The following MCTP1 variants were observed in gnomAD, a reference collection of about 807,000 sequenced individuals.
MCTP1 encodes the protein multiple C2 and transmembrane domain containing 1, also known as multiple C2 and transmembrane domain-containing protein 1.
Under a neutral mutation model 120.6 loss-of-function variants are expected in MCTP1, and 69 were observed. The ratio of observed to expected loss-of-function variants is 0.57; its 90% confidence interval spans 0.47 to 0.70. MCTP1 has a LOEUF of 0.70. Ranked by LOEUF, MCTP1 falls within the 30% of genes least tolerant of loss-of-function variation. The pLI, the probability that MCTP1 is intolerant of heterozygous loss-of-function variation, is 0.00. For synonymous variants in MCTP1, 529 were observed against 493.1 expected (o/e 1.07, Z -0.96); for missense variants, 1,203 against 1,248.8 (o/e 0.96, Z 0.55).
intron 2 of MCTP1, among the ~76,000 whole-genome samples, chr5:94,964,439 G>C (rs1356413076): frequency 1.3e-5 from 2 of 152,128 alleles, no homozygotes; most frequent in South Asian, 2.1e-4. Context: ...TCATTGCTGA[G>C]AGTAGGGCAT....
At chr5:95,217,125 C>CTT (rs1305689635) in intron 1 of MCTP1, among the ~76,000 whole-genome samples, 1 of 152,180 alleles carries the variant, frequency 6.6e-6, no homozygotes, top group African/African-American at 2.4e-5. Flanking sequence ...TACTGATACT[C>CTT]TTTGAAAACT....
chr5:95,066,856 T>C lies in MCTP1; in HGVS notation c.721-49372A>G, dbSNP rs371464835. Among the ~76,000 whole-genome samples, 6 of 152,318 alleles carry C rather than the reference T, an allele frequency of 3.9e-5. No homozygotes were observed. The South Asian group carries it at 1.2e-3, about 32-fold the overall frequency. ...CGGGGATGGTTTTGAAATGAAACTGTTCCACCTCAGATCATCAGGCATTAG... is the reference window on the plus strand; with the variant it reads ...CGGGGATGGTTTTGAAATGAAACTGCTCCACCTCAGATCATCAGGCATTAG... On this transcript the variant is annotated intron_variant, in intron 1 of 22. Coordinates refer to ENST00000515393, the MANE Select transcript of MCTP1 (RefSeq NM_024717.7).
intron 17 of MCTP1, among the ~76,000 whole-genome samples, chr5:94,820,695 T>C (rs1266736730): frequency 1.3e-5 from 2 of 152,332 alleles, no homozygotes; most frequent in East Asian, 3.9e-4. Flanking sequence ...CTCCAAGTAC[T>C]TGTCAAAAGA....
chr5:95,284,213 T>A lies in MCTP1; in HGVS notation c.363A>T (p.Leu121=), dbSNP rs746337604. Reference sequence around the variant, plus strand: ...GCAAATGCTCGCGGATCCGGCGGCGTAGCGTGGACCCCTGCTCGGCTCTGC... The same window carrying A: ...GCAAATGCTCGCGGATCCGGCGGCGAAGCGTGGACCCCTGCTCGGCTCTGC... ...GAGRAEQGST[L]RRRIREHLLP... is the part of the protein sequence containing the mutation. The change falls in exon 1 of 23, where the codon CTA becomes CTT. Residue 121 remains leucine (L), a synonymous_variant. Transcript: ENST00000515393. The surrounding 1 kb of genome is among the most constrained non-coding windows in gnomAD (Gnocchi z 5.2). The A allele has an allele frequency of 9.5e-5, 150 of 1,573,610 alleles. 1 individual carries two copies. The South Asian group carries it at 1.6e-3, about 17-fold the overall frequency.
intron 18 of MCTP1, among the ~76,000 whole-genome samples, chr5:94,786,414 T>C (rs1014037291): frequency 6.6e-6 from 1 of 152,174 alleles, no homozygotes; most frequent in African/African-American, 2.4e-5. Flanking sequence ...AATGATATTT[T>C]TTATCTTTTT....
intron 1 of MCTP1, among the ~76,000 whole-genome samples, chr5:95,187,199 G>GT (rs771343429): frequency 6.6e-6 from 1 of 152,202 alleles, no homozygotes; most frequent in Non-Finnish European, 1.5e-5. Flanking sequence ...TGGAAGCAAC[G>GT]TAAGTGTCCA....
rs147012750 is a variant in MCTP1 at position 95,203,978 on chromosome 5, G to C, written c.720+79878C>G. 4.4e-3 allele frequency among the ~76,000 whole-genome samples: 665 copies of C among 152,010 alleles called. 8 individuals carry two copies. Among genetic ancestry groups the C allele is most frequent in the African/African-American group, 0.015 (626 of 41,446 alleles). The stretch of plus-strand genomic sequence containing the variant: ...GTGTAGATTACTAACTATGCAAAGA[G>C]ATGTGGATCCATTTGTACTTGGCAA... On this transcript the variant is annotated intron_variant, in intron 1 of 22. Coordinates refer to ENST00000515393, the MANE Select transcript of MCTP1 (RefSeq NM_024717.7).
At position 94,945,896 on chromosome 5, in the gene MCTP1, C is replaced by A. The variant is rs187385721; in HGVS notation, c.982-3469G>T. Among the ~76,000 whole-genome samples the A allele has an allele frequency of 9.9e-5, 15 of 152,276 alleles. No homozygotes were observed. The East Asian group carries it at 1.4e-3, about 14-fold the overall frequency. On this transcript the variant is annotated intron_variant, in intron 3 of 22. Coordinates refer to ENST00000515393, the MANE Select transcript of MCTP1 (RefSeq NM_024717.7). ...GTGGAGAGGCACTGAGGAAACTGGC[C>A]AGGGGCCAGTGAGGCTGAAAGTAGT...
chr5:95,222,401 C>G (rs1265736955), intron 1 of MCTP1, among the ~76,000 whole-genome samples: 1 of 152,254 alleles, frequency 6.6e-6, no homozygotes, highest in African/African-American at 2.4e-5. Flanking sequence ...AATTAGCAGT[C>G]TCTGCTTCAA....
intron 1 of MCTP1, among the ~76,000 whole-genome samples, chr5:95,111,055 G>C (rs1757414023): frequency 6.6e-6 from 1 of 152,118 alleles, no homozygotes; most frequent in Non-Finnish European, 1.5e-5. Flanking sequence ...GATTCATTTG[G>C]AGACACTACA....
intron 17 of MCTP1, among the ~76,000 whole-genome samples, chr5:94,806,329 A>G (rs1782279599): frequency 6.6e-6 from 1 of 152,216 alleles, no homozygotes; most frequent in South Asian, 2.1e-4. Flanking sequence ...AACAAACAAA[A>G]ATCTGTTCTG....
chr5:95,205,088 A>C (rs1263568087), intron 1 of MCTP1, among the ~76,000 whole-genome samples: 5 of 152,288 alleles, frequency 3.3e-5, no homozygotes, highest in East Asian at 3.9e-4. Context: ...TATTAATAAA[A>C]ACTTGCTACA....
chr5:94,835,270 A>T lies in MCTP1; in HGVS notation c.2436+33063T>A, dbSNP rs529228175. Among the ~76,000 whole-genome samples, 13 of 152,306 alleles carry T rather than the reference A, an allele frequency of 8.5e-5. No homozygotes were observed. In the South Asian group the frequency reaches 2.7e-3, roughly 32 times the overall value. On this transcript the variant is annotated intron_variant, in intron 17 of 22. Transcript: ENST00000515393. ...GTTGATTACCTGATTTTTATGAAGC[A>T]TCTTCTAAGAGTAGCTCAGTTATAA...
At chr5:95,229,909 C>A (rs1475549314) in intron 1 of MCTP1, among the ~76,000 whole-genome samples, 1 of 152,068 alleles carries the variant, frequency 6.6e-6, no homozygotes, top group Non-Finnish European at 1.5e-5. Context: ...GAAAAGTGAT[C>A]TCCCACATAT....
chr5:94,981,265 C>T (rs2047772540), intron 2 of MCTP1, among the ~76,000 whole-genome samples: 1 of 152,022 alleles, frequency 6.6e-6, no homozygotes, highest in African/African-American at 2.4e-5. Flanking sequence ...AAGTTATACA[C>T]TTCCCAAGGG....
intron 1 of MCTP1, among the ~76,000 whole-genome samples, chr5:95,104,743 T>A (rs1250113373): frequency 6.6e-6 from 1 of 152,202 alleles, no homozygotes; most frequent in East Asian, 1.9e-4. Flanking sequence ...TAAATAGTAT[T>A]ATGAAATTTC....
intron 19 of MCTP1, among the ~76,000 whole-genome samples, chr5:94,723,229 T>C (rs943767354): frequency 6.6e-6 from 1 of 152,158 alleles, no homozygotes; most frequent in Non-Finnish European, 1.5e-5. Flanking sequence ...CTTCCTGATA[T>C]TAGCCTTGAA....
At chr5:95,083,509 C>T (rs770194481) in intron 1 of MCTP1, among the ~76,000 whole-genome samples, 1 of 152,276 alleles carries the variant, frequency 6.6e-6, no homozygotes, top group East Asian at 1.9e-4. Flanking sequence ...ATGTGACCCA[C>T]GCTGGTCTAG....
intron 16 of MCTP1, 93 bp from the exon 17 acceptor site, chr5:94,868,545 G>A: frequency 5.6e-6 from 5 of 897,414 alleles, no homozygotes; most frequent in South Asian, 3.3e-5. Flanking sequence ...GACTTAAAAA[G>A]GATTCAGAAA....
Sources: allele counts gnomAD v4.1 joint callset (sites outside exome capture counted in the v4.1 genomes callset), GRCh38; gene constraint gnomAD v4.1.1; non-coding constraint Gnocchi (gnomAD v3.1); transcripts MANE v1.5; gene names NCBI Gene and HGNC (gene_info 2026-07-23, HGNC 2026-07-21).